CCDC175: variants seen among roughly 807,000 people sequenced by gnomAD.
CCDC175 encodes the protein coiled-coil domain containing 175, also known as coiled-coil domain-containing protein 175.
In CCDC175, 100 loss-of-function variants were observed where a neutral mutation model predicts 114.6. The ratio of observed to expected loss-of-function variants is 0.87; its 90% CI spans 0.74 to 1.03. CCDC175 has a LOEUF of 1.03. Among genes scored for constraint, CCDC175 ranks in the 50% least tolerant of loss-of-function variants. The probability of loss-of-function intolerance (pLI) is 0.00; values close to 1 mark genes in which losing one functional copy is unlikely to be tolerated. For synonymous variants in CCDC175, 306 were observed against 308.7 expected, an observed-to-expected ratio of 0.99 and a Z score of 0.09; for missense variants, 880 against 917.8, an observed-to-expected ratio of 0.96 and a Z score of 0.53.
intron 7 of CCDC175, among the ~76,000 whole-genome samples, chr14:59,559,783 C>T (rs1418175174): frequency 6.6e-6 from 1 of 152,038 alleles, no homozygotes; most frequent in African/African-American, 2.4e-5. Context: ...TATCCTCAAC[C>T]ACCACATTAA....
intron 3 of CCDC175, among the ~76,000 whole-genome samples, chr14:59,571,862 T>C (rs1245021469): frequency 2.0e-5 from 3 of 152,028 alleles, no homozygotes; most frequent in Non-Finnish European, 2.9e-5. Context: ...ACAGGTGGAG[T>C]ATCCCTAATC....
At chr14:59,559,014 C>G (rs1331670043) in intron 7 of CCDC175, among the ~76,000 whole-genome samples, 1 of 152,072 alleles carries the variant, frequency 6.6e-6, no homozygotes, top group African/African-American at 2.4e-5. Context: ...CTGTCAAATT[C>G]TATTATGAAT....
intron 7 of CCDC175, among the ~76,000 whole-genome samples, chr14:59,560,076 G>GT (rs1193071249): frequency 1.3e-5 from 2 of 151,920 alleles, no homozygotes; most frequent in Admixed American, 1.3e-4. Context: ...AAATAAAAGA[G>GT]TTTTTTTGAG....
intron 6 of CCDC175, 46 bp from the exon 7 acceptor site, chr14:59,561,274 G>C (rs1437995455): frequency 2.0e-6 from 2 of 991,432 alleles, no homozygotes; most frequent in East Asian, 2.6e-5. Context: ...ATCACCAAGT[G>C]ATTCATAACA....
At chr14:59,548,768 C>T (rs1566621241) in intron 8 of CCDC175, among the ~76,000 whole-genome samples, 1 of 152,168 alleles carries the variant, frequency 6.6e-6, no homozygotes, top group African/African-American at 2.4e-5. Flanking sequence ...ATCACAGTAG[C>T]CCAGAGGGGA....
At chr14:59,557,380 A>C (rs1895967978) in intron 7 of CCDC175, among the ~76,000 whole-genome samples, 1 of 147,908 alleles carries the variant, frequency 6.8e-6, no homozygotes, top group South Asian at 2.1e-4. Context: ...AAAACCAAAC[A>C]TCCCATGTTC....
At chr14:59,567,551 TA>T (rs1204571905) in intron 4 of CCDC175, among the ~76,000 whole-genome samples, 18 of 152,216 alleles carry the variant, frequency 1.2e-4, no homozygotes, top group African/African-American at 3.9e-4. Context: ...AATTTTCTCA[TA>T]GGGGTAATTC....
intron 8 of CCDC175, 78 bp from the exon 9 acceptor site, chr14:59,545,377 C>T (rs1435219414): frequency 3.7e-5 from 49 of 1,307,292 alleles, no homozygotes; most frequent in East Asian, 5.1e-5. Flanking sequence ...GGTGGCAACT[C>T]GGAGAGCACC....
chr14:59,562,742 T>C (rs577260458), intron 6 of CCDC175, among the ~76,000 whole-genome samples: 1 of 152,244 alleles, frequency 6.6e-6, no homozygotes, highest in East Asian at 1.9e-4. Flanking sequence ...GTGCACTCGA[T>C]TTATGATTTA....
chr14:59,513,054 T>A (rs965018615), intron 17 of CCDC175, among the ~76,000 whole-genome samples: 6 of 152,118 alleles, frequency 3.9e-5, no homozygotes, highest in African/African-American at 1.4e-4. Flanking sequence ...TTTTGAAAAG[T>A]TGCTAGGGTA....
chr14:59,512,667 A>AT, intron 17 of CCDC175, among the ~76,000 whole-genome samples: 1 of 152,256 alleles, frequency 6.6e-6, no homozygotes, highest in Non-Finnish European at 1.5e-5. Context: ...CAGCTGCACA[A>AT]TTTTTTTGAG....
intron 8 of CCDC175, among the ~76,000 whole-genome samples, chr14:59,549,581 G>A (rs1332706176): frequency 6.6e-6 from 1 of 151,846 alleles, no homozygotes; most frequent in Admixed American, 6.6e-5. Context: ...TTAGCCAGGT[G>A]TCATGGCACA....
chr14:59,537,188 G>T (rs1441440434), intron 13 of CCDC175, among the ~76,000 whole-genome samples: 1 of 152,072 alleles, frequency 6.6e-6, no homozygotes, highest in Admixed American at 6.6e-5. Flanking sequence ...ATTTTTGTAT[G>T]AAAAATGTGA....
Position 59,576,699 on chromosome 14 carries a change from G to A in CCDC175, c.77C>T (p.Pro26Leu). The A allele has an allele frequency of 4.0e-6, 6 of 1,486,958 alleles. No homozygotes were observed. The highest frequency in any genetic ancestry group is 5.3e-6 in the Non-Finnish European group (6 of 1,126,080). 92.1% of individuals were successfully genotyped at this position (1,486,958 alleles called of 1,614,324 possible). ...LVQAAAVSTG[P>L]SLELCTLPST... ...GGGTAAGGTGCATAACTCCAGGGAG[G>A]GGCCAGTGGAGACGGCAGCCGCCTG... The change falls in exon 1 of 20, where the codon CCC becomes CTC. Residue 26 changes from proline (P) to leucine (L), a missense_variant. Coordinates refer to ENST00000537690, the MANE Select transcript of CCDC175 (RefSeq NM_001164399.2).
Position 59,505,335 on chromosome 14 carries a change from A to G in CCDC175, c.2306-20T>C. The G allele has an allele frequency of 7.3e-7, 1 of 1,377,008 alleles. No homozygotes were observed. The highest frequency in any genetic ancestry group is 1.4e-5 in the South Asian group (1 of 70,404). The allele number at this position is 1,377,008 out of a possible 1,614,324, so 85.3% of individuals were successfully genotyped here. A position where few individuals can be genotyped will look rare whatever the true frequency, so the allele number is the denominator to read the frequency against. ...TCTTCTCTGTAGGAATAAAAAATAA[A>G]TATAAAAATTTTATTTGTATTGCAC... On this transcript the variant is annotated intron_variant, in intron 19 of 19. Coordinates refer to ENST00000537690, the MANE Select transcript of CCDC175 (RefSeq NM_001164399.2).
chr14:59,561,065 T>C, intron 7 of CCDC175, 54 bp downstream of exon 7: 1 of 874,180 alleles, frequency 1.1e-6, no homozygotes, highest in South Asian at 1.5e-5. Flanking sequence ...AACTATATTA[T>C]ATCATATTAA....
intron 17 of CCDC175, among the ~76,000 whole-genome samples, chr14:59,514,426 T>A (rs537411126): frequency 3.7e-4 from 56 of 152,138 alleles, no homozygotes; most frequent in Non-Finnish European, 5.6e-4. Context: ...GAAAAAAAAT[T>A]AGACGAATGG....
rs142351415 is a variant in CCDC175, at chr14:59,573,511, G to T, written c.244-698C>A. On this transcript the variant is annotated intron_variant, in intron 2 of 19. Coordinates refer to ENST00000537690, the MANE Select transcript of CCDC175 (RefSeq NM_001164399.2). ...AAGTATATTCATCAGCATTAATAGTGATTATTTTAATGTGGTCCTTTTGCT... is the reference window on the plus strand; with the variant it reads ...AAGTATATTCATCAGCATTAATAGTTATTATTTTAATGTGGTCCTTTTGCT... Among the ~76,000 whole-genome samples, 493 of 151,956 alleles carry T rather than the reference G, an allele frequency of 3.2e-3. 3 individuals are homozygous for T. The highest frequency in any genetic ancestry group is 0.011 in the African/African-American group (470 of 41,480).
At chr14:59,508,582 A>AAAAAG (rs1353548439) in intron 19 of CCDC175, among the ~76,000 whole-genome samples, 1 of 150,952 alleles carries the variant, frequency 6.6e-6, no homozygotes, top group East Asian at 1.9e-4. Context: ...AAAAAAAAAA[A>AAAAAG]AAAGAGAGAA....
Sources: allele counts gnomAD v4.1 joint callset (sites outside exome capture counted in the v4.1 genomes callset), GRCh38; gene constraint gnomAD v4.1.1; transcripts MANE v1.5; gene names NCBI Gene and HGNC (gene_info 2026-07-23, HGNC 2026-07-21).